The following TENM3 variants were observed in gnomAD, a reference collection of about 807,000 sequenced individuals.
The protein encoded by TENM3 is teneurin transmembrane protein 3.
A neutral mutation model predicts 255.1 loss-of-function variants in TENM3; 63 were observed. The ratio of observed to expected loss-of-function variants is 0.25; its 90% CI spans 0.20 to 0.30. The LOEUF is 0.30. TENM3 is among the 10% of genes least tolerant of loss of function. TENM3 has a pLI of 1.00. For missense variants in TENM3, 2,929 were observed against 3,461.1 expected (o/e 0.85, Z 3.86); for synonymous variants, 1,306 against 1,322.3 (o/e 0.99, Z 0.27).
At chr4:182,785,476 G>A (rs1765566394) in intron 24 of TENM3, among the ~76,000 whole-genome samples, 1 of 151,800 alleles carries the variant, frequency 6.6e-6, no homozygotes, top group East Asian at 2.0e-4. Flanking sequence ...GGGAGGCTGA[G>A]GCGGGTGGAT....
intron 3 of TENM3, among the ~76,000 whole-genome samples, chr4:182,511,713 G>A (rs1737417222): frequency 6.6e-6 from 1 of 152,074 alleles, no homozygotes. Flanking sequence ...AGAAAAATCA[G>A]TAACATAATT....
rs1768758043 is a variant in TENM3, at chr4:182,395,682, A to T, written c.511+48753A>T. On this transcript the variant is annotated intron_variant, in intron 3 of 27. Transcript: ENST00000511685. ...ATAAATGCATATGCTTTTTAAAAATAAAATGTTTTATTTATAAAACATAAA... is the reference window on the plus strand; with the variant it reads ...ATAAATGCATATGCTTTTTAAAAATTAAATGTTTTATTTATAAAACATAAA... Among the ~76,000 whole-genome samples the T allele has an allele frequency of 3.9e-5, 6 of 152,224 alleles. No homozygotes were observed. The South Asian group carries it at 1.2e-3, about 32-fold the overall frequency.
chr4:182,157,168 A>G (rs550141927), intron 1 of TENM3, among the ~76,000 whole-genome samples: 2 of 152,288 alleles, frequency 1.3e-5, no homozygotes, highest in South Asian at 4.1e-4. Context: ...CTTAACTGCT[A>G]ACAAATAACA....
intron 1 of TENM3, among the ~76,000 whole-genome samples, chr4:182,169,104 C>CACACACACAT (rs1554025014): frequency 6.6e-6 from 1 of 151,396 alleles, no homozygotes; most frequent in African/African-American, 2.4e-5. Context: ...CACACACACA[C>CACACACACAT]GTGGGTGTGA....
the TENM3 span, among the ~76,000 whole-genome samples, chr4:181,721,565 A>T: frequency 2.7e-5 from 1 of 36,684 alleles, no homozygotes; most frequent in African/African-American, 7.3e-5. Flanking sequence ...GCGCCACTGC[A>T]CTCCAGCCTG....
At chr4:181,766,192 A>G in the TENM3 span, among the ~76,000 whole-genome samples, 1 of 152,320 alleles carries the variant, frequency 6.6e-6, no homozygotes, top group South Asian at 2.1e-4. Context: ...CCACTGGAGG[A>G]TAAGACCAGC....
At chr4:181,765,711 T>C in the TENM3 span, among the ~76,000 whole-genome samples, 243 of 152,296 alleles carry the variant, frequency 1.6e-3, no homozygotes, top group Middle Eastern at 0.01. Context: ...TAAACACTTA[T>C]ATTGCAGAGT....
chr4:182,623,600 G>T (rs1750513327), intron 4 of TENM3, among the ~76,000 whole-genome samples: 1 of 152,032 alleles, frequency 6.6e-6, no homozygotes, highest in Non-Finnish European at 1.5e-5. Context: ...AAAGTGCTGG[G>T]ATTACAGGTG....
chr4:182,307,337 C>T (rs935050616), intron 1 of TENM3, among the ~76,000 whole-genome samples: 2 of 152,034 alleles, frequency 1.3e-5, no homozygotes, highest in African/African-American at 2.4e-5. Flanking sequence ...GCTAATTGGC[C>T]CCCTACTGGT....
intron 3 of TENM3, among the ~76,000 whole-genome samples, chr4:182,531,733 G>A (rs1739795526): frequency 6.6e-6 from 1 of 152,138 alleles, no homozygotes; most frequent in African/African-American, 2.4e-5. Flanking sequence ...GTTCTGCCAG[G>A]GAAGCTCGTA....
chr4:181,536,598 C>T, the TENM3 span, among the ~76,000 whole-genome samples: 3 of 152,232 alleles, frequency 2.0e-5, no homozygotes, highest in African/African-American at 7.2e-5. Context: ...AATAAATCCT[C>T]ATCTTTCCAA....
intron 3 of TENM3, among the ~76,000 whole-genome samples, chr4:182,532,796 T>C (rs1056359930): frequency 1.3e-5 from 2 of 152,252 alleles, no homozygotes; most frequent in Non-Finnish European, 2.9e-5. Context: ...TGTCATTTTC[T>C]TTAAAAAATG....
chr4:182,274,367 T>C (rs1407141009), intron 1 of TENM3, among the ~76,000 whole-genome samples: 1 of 152,186 alleles, frequency 6.6e-6, no homozygotes, highest in Non-Finnish European at 1.5e-5. Context: ...GAGATACTCC[T>C]GAGATGACAG....
At chr4:182,473,485 A>G (rs1733349685) in intron 3 of TENM3, among the ~76,000 whole-genome samples, 1 of 152,170 alleles carries the variant, frequency 6.6e-6, no homozygotes, top group South Asian at 2.1e-4. Context: ...CATGCTGGCT[A>G]ACACAGTGAA....
At chr4:181,502,386 T>C in the TENM3 span, among the ~76,000 whole-genome samples, 1 of 152,102 alleles carries the variant, frequency 6.6e-6, no homozygotes, top group Admixed American at 6.5e-5. Context: ...GAGCTCTCTG[T>C]GGAATGAGGA....
the TENM3 span, among the ~76,000 whole-genome samples, chr4:181,451,518 G>A: frequency 1.3e-5 from 2 of 152,140 alleles, no homozygotes; most frequent in Non-Finnish European, 1.5e-5. Context: ...AGAAAGGAAA[G>A]GATAGGAGAG....
At chr4:182,694,283 G>A (rs1051851029) in intron 12 of TENM3, among the ~76,000 whole-genome samples, 31 of 151,626 alleles carry the variant, frequency 2.0e-4, no homozygotes, top group African/African-American at 6.8e-4. Flanking sequence ...CTCATTTTTT[G>A]TATTTTTGTG....
At chr4:182,037,393 C>T in the TENM3 span, among the ~76,000 whole-genome samples, 1 of 152,190 alleles carries the variant, frequency 6.6e-6, no homozygotes, top group Non-Finnish European at 1.5e-5. Context: ...AGTGATCCAC[C>T]CGCTTCGGCC....
intron 19 of TENM3, among the ~76,000 whole-genome samples, chr4:182,744,805 C>T (rs1166430041): frequency 6.6e-6 from 1 of 152,024 alleles, no homozygotes. Flanking sequence ...TGACTTTCTT[C>T]AAAGTGAAGG....
Sources: allele counts gnomAD v4.1 joint callset (sites outside exome capture counted in the v4.1 genomes callset), GRCh38; gene constraint gnomAD v4.1.1; transcripts MANE v1.5; gene names NCBI Gene and HGNC (gene_info 2026-07-23, HGNC 2026-07-21).